The following ZBTB46 variants were observed in gnomAD, a reference collection of about 807,000 sequenced individuals.
The protein encoded by ZBTB46 is zinc finger and BTB domain containing 46.
ZBTB46 carries 8 observed loss-of-function variants against 44.1 expected under a neutral mutation model. The observed-to-expected ratio is 0.18, with a 90% CI of 0.11 to 0.33. The LOEUF (loss-of-function observed/expected upper bound fraction) is 0.33. ZBTB46 is among the 10% of genes least tolerant of loss of function. The pLI is 1.00. For missense variants in ZBTB46, 651 were observed against 847.7 expected (o/e 0.77, Z 2.88); for synonymous variants, 409 against 382.3 (o/e 1.07, Z -0.81).
In ZBTB46 at chr20:63,803,429, G is replaced by A; in HGVS notation, c.-33-12639C>T. On this transcript the variant is annotated intron_variant, in intron 1 of 4. Coordinates refer to ENST00000245663, the MANE Select transcript of ZBTB46 (RefSeq NM_001369741.1). This position sits in a 1 kb window ranked among gnomAD's most constrained non-coding sequence, Gnocchi z 4.0. The stretch of plus-strand genomic sequence containing the variant: ...TAGCAGAGTCGTCTTTCGACAGCGA[G>A]ACCGGTGGTACTATCCACATCATCT... The A allele has an allele frequency of 1.0e-6, 1 of 985,444 alleles. No individual in the cohort carries two copies. The highest frequency in any genetic ancestry group is 1.2e-6 in the Non-Finnish European group (1 of 829,932). The allele number at this position is 985,444 out of a possible 1,614,324, so 61.0% of individuals were successfully genotyped here.
At position 63,744,076 on chromosome 20, in the gene ZBTB46, T is replaced by A. The variant is rs998968137; in HGVS notation, c.*2854A>T. The A allele has an allele frequency of 1.1e-4, 17 of 152,396 alleles. No homozygotes were observed. The allele number at this position is 152,396 out of a possible 1,614,324, so 9.4% of individuals were successfully genotyped here. ...CACACAGCACCCTCACTACAAGTAG[T>A]TCTAAAAGGGCTGCATACAAAACAC... is the stretch of plus-strand genomic sequence containing the variant. On this transcript the variant is annotated 3_prime_UTR_variant, in exon 5 of 5. Coordinates refer to ENST00000245663, the MANE Select transcript of ZBTB46 (RefSeq NM_001369741.1).
At chr20:63,798,037 T>C (rs1041847854) in intron 1 of ZBTB46, among the ~76,000 whole-genome samples, 9 of 152,232 alleles carry the variant, frequency 5.9e-5, no homozygotes, top group Middle Eastern at 3.2e-3. Context: ...TTTGTTGCCA[T>C]TGCTTTTGGT....
chr20:63,797,843 T>C (rs533461712), intron 1 of ZBTB46, among the ~76,000 whole-genome samples: 91 of 152,322 alleles, frequency 6.0e-4, no homozygotes, highest in African/African-American at 2.1e-3. Flanking sequence ...CACTTTTTGA[T>C]GGGGTTGTTT....
chr20:63,825,809 A>G (rs2092816576), intron 1 of ZBTB46, among the ~76,000 whole-genome samples: 1 of 152,230 alleles, frequency 6.6e-6, no homozygotes, highest in Non-Finnish European at 1.5e-5. Context: ...TGCGACAGGT[A>G]ATGCTTAGCT....
At position 63,752,937 on chromosome 20, in the gene ZBTB46, C is replaced by A. The variant is rs1366992279; in HGVS notation, c.1223-76G>T. On this transcript the variant is annotated intron_variant, in intron 3 of 4. Coordinates refer to ENST00000245663, the MANE Select transcript of ZBTB46 (RefSeq NM_001369741.1). The surrounding 1 kb of genome is among the most constrained non-coding windows in gnomAD (Gnocchi z 5.6). ...CTGCGGCCCACAGACCACGGCTGCACGCCGCAGCCCAGCAGCCAGGACGGG... is the reference window on the plus strand; with the variant it reads ...CTGCGGCCCACAGACCACGGCTGCAAGCCGCAGCCCAGCAGCCAGGACGGG... 6.8e-6 allele frequency: 10 copies of A among 1,469,608 alleles called. No individual in the cohort carries two copies. The highest frequency in any genetic ancestry group is 4.1e-5 in the Admixed American group (2 of 48,818). The allele number at this position is 1,469,608 out of a possible 1,614,324, so 91.0% of individuals were successfully genotyped here. A position where few individuals can be genotyped will look rare whatever the true frequency, so the allele number is the denominator to read the frequency against.
At chr20:63,776,396 G>A (rs575566200) in intron 2 of ZBTB46, among the ~76,000 whole-genome samples, 1 of 152,346 alleles carries the variant, frequency 6.6e-6, no homozygotes, top group African/African-American at 2.4e-5. Context: ...ATTCTTAGAA[G>A]AAAATCCGCA....
intron 2 of ZBTB46, among the ~76,000 whole-genome samples, chr20:63,789,237 G>C (rs779748315): frequency 2.0e-5 from 3 of 152,228 alleles, no homozygotes; most frequent in African/African-American, 4.8e-5. Context: ...GGGAAAGGCT[G>C]CTTCTTGGCT....
At chr20:63,823,878 G>A (rs974381349) in intron 1 of ZBTB46, among the ~76,000 whole-genome samples, 1 of 151,784 alleles carries the variant, frequency 6.6e-6, no homozygotes, top group Non-Finnish European at 1.5e-5. Context: ...GTGTGTGTGT[G>A]TGTGTGTGTG....
rs184430629 is a variant in ZBTB46, at chr20:63,773,694, G to A, written c.1222+1984C>T. Among the ~76,000 whole-genome samples the A allele has an allele frequency of 4.6e-3, 695 of 151,980 alleles. 4 individuals are homozygous for A. The highest frequency in any genetic ancestry group is 0.016 in the African/African-American group (661 of 41,460). ...AAGCTGCTCATGTGAAAAGGCGGTC[G>A]GAGGGGAGGGTAGTGAGGGAGGCCC... On this transcript the variant is annotated intron_variant, in intron 3 of 4. Transcript: ENST00000245663.
intron 1 of ZBTB46, among the ~76,000 whole-genome samples, chr20:63,809,848 C>T (rs1183457722): frequency 2.0e-5 from 3 of 151,716 alleles, no homozygotes; most frequent in Non-Finnish European, 2.9e-5. Flanking sequence ...CTGTAGTCCC[C>T]GCGACTCTGG....
upstream of ZBTB46, among the ~76,000 whole-genome samples, chr20:63,831,908 G>A (rs959368738): frequency 6.6e-6 from 1 of 151,922 alleles, no homozygotes; most frequent in African/African-American, 2.4e-5. Context: ...GGCCGCCCGG[G>A]GTGCGGGGTC....
chr20:63,774,729 A>T (rs1275446686), intron 3 of ZBTB46, among the ~76,000 whole-genome samples: 6 of 122,646 alleles, frequency 4.9e-5, no homozygotes, highest in Admixed American at 1.1e-4. Context: ...TTTGAGACAG[A>T]GTCTCCCTCT....
chr20:63,792,910 C>T (rs2092572477), intron 1 of ZBTB46, among the ~76,000 whole-genome samples: 1 of 152,220 alleles, frequency 6.6e-6, no homozygotes, highest in Non-Finnish European at 1.5e-5. Flanking sequence ...GTGCCTGTCT[C>T]TGCCTTCAGG....
Position 63,767,146 on chromosome 20 carries a change from G to A in ZBTB46, c.1222+8532C>T, listed in dbSNP as rs150551521. Among the ~76,000 whole-genome samples the A allele has an allele frequency of 2.4e-3, 366 of 152,326 alleles. 2 individuals are homozygous for A. Among genetic ancestry groups the A allele is most frequent in the African/African-American group, 8.5e-3 (352 of 41,576 alleles). ...ATTCCACGCCGACACGTGGAGCGCC[G>A]CGCACATGCCAGGCACACACCGCCA... On this transcript the variant is annotated intron_variant, in intron 3 of 4. Coordinates refer to ENST00000245663, the MANE Select transcript of ZBTB46 (RefSeq NM_001369741.1). This position sits in a 1 kb window ranked among gnomAD's most constrained non-coding sequence, Gnocchi z 5.0.
chr20:63,765,619 A>G (rs1451276648), intron 3 of ZBTB46, among the ~76,000 whole-genome samples: 1 of 152,142 alleles, frequency 6.6e-6, no homozygotes, highest in African/African-American at 2.4e-5. Context: ...CTGTAGAGAC[A>G]AGGTCTCCCT....
At chr20:63,766,245 C>T (rs1031871364) in intron 3 of ZBTB46, among the ~76,000 whole-genome samples, 4 of 122,658 alleles carry the variant, frequency 3.3e-5, no homozygotes, top group Non-Finnish European at 4.8e-5. Context: ...GAGGGAGTTT[C>T]GCTCTCGTTG....
At chr20:63,750,315 G>A (rs917475071) in intron 4 of ZBTB46, among the ~76,000 whole-genome samples, 5 of 152,164 alleles carry the variant, frequency 3.3e-5, no homozygotes, top group African/African-American at 1.2e-4. Context: ...TGCAATCACA[G>A]CTCACTGCAG....
rs1422172475 is a variant in ZBTB46 at position 63,803,114 on chromosome 20, G to A, written c.-33-12324C>T. Among the ~76,000 whole-genome samples, 1 of 152,016 alleles carries A rather than the reference G, an allele frequency of 6.6e-6. No individual in the cohort carries two copies. Among genetic ancestry groups the A allele is most frequent in the African/African-American group, 2.4e-5 (1 of 41,410 alleles). ...AAACCCACCAACCCGGCTCCCCCAG[G>A]GCACCTCACCAGCAGGAACCAGGCG... On this transcript the variant is annotated intron_variant, in intron 1 of 4. Transcript: ENST00000245663. The surrounding 1 kb of genome is among the most constrained non-coding windows in gnomAD (Gnocchi z 4.0).
chr20:63,824,220 A>C (rs2092808403), intron 1 of ZBTB46, among the ~76,000 whole-genome samples: 1 of 152,002 alleles, frequency 6.6e-6, no homozygotes, highest in South Asian at 2.1e-4. Context: ...AAATGGGAGG[A>C]GGAAGAAATG....
Sources: allele counts gnomAD v4.1 joint callset (sites outside exome capture counted in the v4.1 genomes callset), GRCh38; gene constraint gnomAD v4.1.1; non-coding constraint Gnocchi (gnomAD v3.1); transcripts MANE v1.5; gene names NCBI Gene and HGNC (gene_info 2026-07-23, HGNC 2026-07-21).